BORCS5: variants seen among roughly 807,000 people sequenced by gnomAD.
The protein encoded by BORCS5 is BLOC-1 related complex subunit 5, also known as BLOC-1-related complex subunit 5.
In BORCS5, 17 loss-of-function variants were observed where a neutral mutation model predicts 22.1. The ratio of observed to expected loss-of-function variants is 0.77; its 90% confidence interval spans 0.53 to 1.15. The LOEUF (loss-of-function observed/expected upper bound fraction) is 1.15, where lower values mean the gene tolerates loss of function less well. Ranked by LOEUF, BORCS5 falls within the 50% of genes most tolerant of loss-of-function variation. The pLI is 0.00. For synonymous variants in BORCS5, 117 were observed against 99.8 expected, an observed-to-expected ratio of 1.17 and a Z score of -1.03; for missense variants, 247 against 253.2, an observed-to-expected ratio of 0.98 and a Z score of 0.17.
intron 2 of BORCS5, among the ~76,000 whole-genome samples, chr12:12,390,570 T>C (rs1941148161): frequency 6.6e-6 from 1 of 151,396 alleles, no homozygotes; most frequent in Admixed American, 6.6e-5. Flanking sequence ...GAGGATCACC[T>C]GAGGCCAGGA....
At position 12,357,167 on chromosome 12, in the gene BORCS5, T is replaced by G. The variant is rs1266140484; in HGVS notation, c.-285T>G. ...CCGGCCGCAGGTGCGGCAAAGCCAG[T>G]GTCATCTGCCGGTTCTCTTAGGGCT... On this transcript the variant is annotated 5_prime_UTR_variant, in exon 1 of 4. Transcript: ENST00000314565. 1 of 1,529,940 alleles carries G rather than the reference T, an allele frequency of 6.5e-7. No homozygotes were observed. The highest frequency in any genetic ancestry group is 2.0e-5 in the Admixed American group (1 of 50,036). The allele number at this position is 1,529,940 out of a possible 1,614,324, so 94.8% of individuals were successfully genotyped here.
At chr12:12,437,571 C>T (rs1942580612) in intron 3 of BORCS5, among the ~76,000 whole-genome samples, 1 of 152,196 alleles carries the variant, frequency 6.6e-6, no homozygotes, top group Non-Finnish European at 1.5e-5. Context: ...CATATTCCCT[C>T]ACCACCCCTT....
intron 2 of BORCS5, among the ~76,000 whole-genome samples, chr12:12,376,468 C>T (rs1863656452): frequency 6.6e-6 from 1 of 151,992 alleles, no homozygotes; most frequent in Non-Finnish European, 1.5e-5. Context: ...CTCCTGACCT[C>T]GTGATCCACC....
At chr12:12,403,869 C>G (rs887418626) in intron 2 of BORCS5, among the ~76,000 whole-genome samples, 1 of 152,160 alleles carries the variant, frequency 6.6e-6, no homozygotes, top group Admixed American at 6.5e-5. Context: ...CTTTGACTTA[C>G]TGATGGCAGG....
chr12:12,383,290 C>T (rs970443337), intron 2 of BORCS5, among the ~76,000 whole-genome samples: 1 of 151,162 alleles, frequency 6.6e-6, no homozygotes, highest in Non-Finnish European at 1.5e-5. Context: ...TTCTTTCACC[C>T]TTTTTTGTGC....
At chr12:12,454,409 T>G (rs1942964459) in intron 3 of BORCS5, among the ~76,000 whole-genome samples, 1 of 152,240 alleles carries the variant, frequency 6.6e-6, no homozygotes, top group Non-Finnish European at 1.5e-5. Context: ...TGCTTTTGAT[T>G]GCACTTTTCT....
At chr12:12,399,319 T>A (rs1297491218) in intron 2 of BORCS5, among the ~76,000 whole-genome samples, 1 of 150,998 alleles carries the variant, frequency 6.6e-6, no homozygotes, top group African/African-American at 2.4e-5. Flanking sequence ...AAAAAAAAGG[T>A]GAATTGCAAA....
intron 2 of BORCS5, among the ~76,000 whole-genome samples, chr12:12,369,437 C>T (rs1863473929): frequency 6.6e-6 from 1 of 151,956 alleles, no homozygotes; most frequent in South Asian, 2.1e-4. Context: ...TCCCATTTTG[C>T]TCTTCATTTT....
At chr12:12,445,806 A>AT (rs1174003674) in intron 3 of BORCS5, among the ~76,000 whole-genome samples, 10,034 of 127,392 alleles carry the variant, frequency 0.079, 486 homozygotes, top group Middle Eastern at 0.14. Context: ...GCTGACTTTA[A>AT]TTTTTTTTTT....
chr12:12,437,438 A>G (rs1313150059), intron 3 of BORCS5, among the ~76,000 whole-genome samples: 1 of 152,216 alleles, frequency 6.6e-6, no homozygotes, highest in Non-Finnish European at 1.5e-5. Context: ...ACTAATACAT[A>G]AGTTTACCAA....
chr12:12,381,367 T>C (rs182504046), intron 2 of BORCS5, among the ~76,000 whole-genome samples: 4 of 151,624 alleles, frequency 2.6e-5, no homozygotes, highest in African/African-American at 9.7e-5. Flanking sequence ...TTTGGATTAC[T>C]TTGTGTGTGT....
chr12:12,389,935 C>T (rs530924310), intron 2 of BORCS5, among the ~76,000 whole-genome samples: 10 of 152,216 alleles, frequency 6.6e-5, no homozygotes, highest in South Asian at 6.2e-4. Context: ...TGAGGCACTG[C>T]GCCTGGCCTC....
intron 3 of BORCS5, among the ~76,000 whole-genome samples, chr12:12,456,896 T>C (rs531051067): frequency 1.3e-5 from 2 of 152,028 alleles, no homozygotes; most frequent in Non-Finnish European, 2.9e-5. Flanking sequence ...TCTGAGTGAT[T>C]GTGTAAGCCT....
intron 2 of BORCS5, among the ~76,000 whole-genome samples, chr12:12,421,559 G>C (rs941691798): frequency 2.6e-5 from 4 of 152,174 alleles, no homozygotes; most frequent in African/African-American, 9.7e-5. Context: ...GATGCTGCTG[G>C]CCTCATAAAA....
At chr12:12,423,370 A>G (rs538421287) in intron 2 of BORCS5, among the ~76,000 whole-genome samples, 1 of 142,416 alleles carries the variant, frequency 7.0e-6, no homozygotes, top group Admixed American at 7.2e-5. Context: ...GTGTGCTTTC[A>G]TTTCAACCTG....
chr12:12,460,518 A>T lies in BORCS5; in HGVS notation c.361-5028A>T, dbSNP rs373365844. On this transcript the variant is annotated intron_variant, in intron 3 of 3. Transcript: ENST00000314565. The stretch of plus-strand genomic sequence containing the variant: ...TTGCATTGGCTACTGCATATAGTAC[A>T]ATGTTGAATAGAGGTGGTAAGAGTG... Among the ~76,000 whole-genome samples, 27 of 152,296 alleles carry T rather than the reference A, an allele frequency of 1.8e-4. No individual in the cohort carries two copies. The East Asian group carries it at 3.9e-3, about 22-fold the overall frequency.
chr12:12,403,555 T>TC (rs972675269), intron 2 of BORCS5, among the ~76,000 whole-genome samples: 2 of 152,176 alleles, frequency 1.3e-5, no homozygotes, highest in Admixed American at 6.5e-5. Flanking sequence ...TACTTTTTTT[T>TC]CCCGAGTATT....
At chr12:12,426,144 T>C (rs1942282626) in intron 2 of BORCS5, among the ~76,000 whole-genome samples, 1 of 152,324 alleles carries the variant, frequency 6.6e-6, no homozygotes, top group South Asian at 2.1e-4. Context: ...ACTTTTTCAT[T>C]ATACCATGTG....
intron 3 of BORCS5, chr12:12,452,407 C>T (rs1048999537): frequency 3.5e-6 from 2 of 568,214 alleles, no homozygotes; most frequent in Admixed American, 3.9e-5. Context: ...CTAATGTTTC[C>T]ACAAATCCAT....
Sources: gnomAD v4.1 joint callset for allele counts (sites outside exome capture counted in the v4.1 genomes callset) on GRCh38, gnomAD v4.1.1 for gene constraint, MANE v1.5 for transcripts, NCBI Gene and HGNC (gene_info 2026-07-23, HGNC 2026-07-21) for gene names.